Variants in SMIM36 observed in about 807,000 individuals in gnomAD.
SMIM36 encodes small integral membrane protein 36.
chr17:55,464,005 C>T (rs936065524), intron 4 of SMIM36, among the ~76,000 whole-genome samples: 1 of 151,964 alleles, frequency 6.6e-6, no homozygotes, highest in Admixed American at 6.6e-5. Flanking sequence ...ATCCTAGCTA[C>T]TCGAGAGGCT....
At chr17:55,529,051 C>T in the SMIM36 span, among the ~76,000 whole-genome samples, 1 of 152,164 alleles carries the variant, frequency 6.6e-6, no homozygotes, top group African/African-American at 2.4e-5. Context: ...CTCATATTTT[C>T]AGGGGATTCC....
At chr17:55,452,001 G>C (rs1171065542) in intron 4 of SMIM36, among the ~76,000 whole-genome samples, 10 of 150,304 alleles carry the variant, frequency 6.7e-5, no homozygotes, top group African/African-American at 2.4e-4. Flanking sequence ...TTGGGAGGCT[G>C]AGGAGGGAGG....
At chr17:55,500,507 G>A (rs1811615843) in intron 1 of SMIM36, among the ~76,000 whole-genome samples, 1 of 151,568 alleles carries the variant, frequency 6.6e-6, no homozygotes, top group African/African-American at 2.4e-5. Flanking sequence ...CTGAGAAGTT[G>A]GTTCCTTCTT....
intron 1 of SMIM36, among the ~76,000 whole-genome samples, chr17:55,505,826 C>A (rs996069228): frequency 8.4e-6 from 1 of 118,416 alleles, no homozygotes; most frequent in Non-Finnish European, 1.6e-5. Flanking sequence ...TCTAGAAAAC[C>A]CCATTGTCTC....
chr17:55,478,251 T>TC (rs1268020123), intron 3 of SMIM36, among the ~76,000 whole-genome samples: 1 of 151,574 alleles, frequency 6.6e-6, no homozygotes, highest in African/African-American at 2.4e-5. Flanking sequence ...TTTTTTTTTT[T>TC]CAGACAAGGT....
intron 1 of SMIM36, among the ~76,000 whole-genome samples, chr17:55,502,098 T>C (rs1319856002): frequency 1.3e-5 from 2 of 151,380 alleles, no homozygotes; most frequent in East Asian, 2.0e-4. Flanking sequence ...CGCTGATTGC[T>C]AGCACAGCAG....
chr17:55,487,954 AG>A (rs556607903), intron 1 of SMIM36, among the ~76,000 whole-genome samples: 141 of 152,312 alleles, frequency 9.3e-4, no homozygotes, highest in Non-Finnish European at 1.9e-3. Context: ...CTGCTAGCTG[AG>A]TCTGATGGGA....
chr17:55,516,421 A>C (rs1910277437), upstream of SMIM36, among the ~76,000 whole-genome samples: 1 of 152,164 alleles, frequency 6.6e-6, no homozygotes, highest in African/African-American at 2.4e-5. Flanking sequence ...TGAGCCAGGC[A>C]TTGTGGGGGA....
chr17:55,470,485 A>G (rs1028452267), intron 3 of SMIM36, among the ~76,000 whole-genome samples: 2 of 152,096 alleles, frequency 1.3e-5, no homozygotes, highest in Admixed American at 1.3e-4. Context: ...ACTATTGTGG[A>G]TATTGATGGC....
At chr17:55,501,356 T>TATATATAA (rs1909961798) in intron 1 of SMIM36, among the ~76,000 whole-genome samples, 1 of 87,312 alleles carries the variant, frequency 1.1e-5, no homozygotes, top group Non-Finnish European at 2.0e-5. Context: ...TTATATTTTA[T>TATATATAA]AATATATAAT....
intron 4 of SMIM36, among the ~76,000 whole-genome samples, chr17:55,464,473 C>T (rs890853316): frequency 1.3e-5 from 2 of 150,936 alleles, no homozygotes; most frequent in Non-Finnish European, 2.9e-5. Context: ...CATTGTATGA[C>T]AGAATCAGGT....
At chr17:55,456,621 A>T (rs999781209) in intron 4 of SMIM36, among the ~76,000 whole-genome samples, 4 of 152,188 alleles carry the variant, frequency 2.6e-5, no homozygotes, top group Admixed American at 6.5e-5. Context: ...TTCAAGGACA[A>T]TGTGATTGTT....
chr17:55,457,244 C>A (rs1358401016), intron 4 of SMIM36, among the ~76,000 whole-genome samples: 1 of 151,668 alleles, frequency 6.6e-6, no homozygotes, highest in Admixed American at 6.6e-5. Flanking sequence ...GGTCAGGAGA[C>A]CAAGACCATC....
the SMIM36 span, among the ~76,000 whole-genome samples, chr17:55,516,715 C>A: frequency 6.6e-6 from 1 of 151,932 alleles, no homozygotes; most frequent in East Asian, 1.9e-4. Context: ...CCTGCCACCA[C>A]GCCCGGCTAA....
the SMIM36 span, among the ~76,000 whole-genome samples, chr17:55,517,878 A>G: frequency 2.0e-5 from 3 of 152,230 alleles, no homozygotes; most frequent in African/African-American, 7.2e-5. Context: ...AAGAAGGTGT[A>G]CATTAGGAAG....
intron 1 of SMIM36, among the ~76,000 whole-genome samples, chr17:55,498,844 C>G (rs946354064): frequency 6.6e-6 from 1 of 151,510 alleles, no homozygotes; most frequent in Non-Finnish European, 1.5e-5. Context: ...ACTAAAAACA[C>G]AAAAAATTAG....
chr17:55,466,852 G>T (rs977070223), intron 4 of SMIM36, among the ~76,000 whole-genome samples: 2 of 152,184 alleles, frequency 1.3e-5, no homozygotes, highest in Non-Finnish European at 2.9e-5. Flanking sequence ...GTTCTTTTGC[G>T]TAAGTCCAAC....
At chr17:55,519,537 C>A in the SMIM36 span, among the ~76,000 whole-genome samples, 1 of 152,034 alleles carries the variant, frequency 6.6e-6, no homozygotes, top group Non-Finnish European at 1.5e-5. Context: ...TTTGCAATGA[C>A]AAGATGTAGG....
At chr17:55,516,171 T>G (rs919793701), upstream of SMIM36, among the ~76,000 whole-genome samples, 2 of 149,112 alleles carry the variant, frequency 1.3e-5, no homozygotes, top group Non-Finnish European at 3.0e-5. Flanking sequence ...CAGAAAAAAA[T>G]ATAAAAACCT....
Sources: gnomAD v4.1 joint callset for allele counts (sites outside exome capture counted in the v4.1 genomes callset) on GRCh38, gnomAD v4.1.1 for gene constraint, MANE v1.5 for transcripts, NCBI Gene and HGNC (gene_info 2026-07-23, HGNC 2026-07-21) for gene names.